PTCHD4: variants seen among roughly 807,000 people sequenced by gnomAD.
PTCHD4 encodes patched domain containing 4.
PTCHD4 carries 33 observed loss-of-function variants against 58.1 expected under a neutral mutation model. The observed-to-expected ratio is 0.57, with a 90% CI of 0.43 to 0.76. The LOEUF (loss-of-function observed/expected upper bound fraction) is 0.76, where lower values mean the gene tolerates loss of function less well. PTCHD4 is among the 30% of genes least tolerant of loss of function. PTCHD4 has a pLI of 0.00. For missense variants in PTCHD4, 1,058 were observed against 1,027.1 expected (o/e 1.03, Z -0.41); for synonymous variants, 478 against 409.6 (o/e 1.17, Z -2.02).
At chr6:47,884,533 G>A (rs571014790) in intron 4 of PTCHD4, among the ~76,000 whole-genome samples, 79 of 152,298 alleles carry the variant, frequency 5.2e-4, no homozygotes, top group African/African-American at 1.8e-3. Flanking sequence ...TTCAGGTGAT[G>A]CATGGATCAC....
chr6:48,027,327 T>C (rs1763284638), intron 3 of PTCHD4, among the ~76,000 whole-genome samples: 1 of 152,082 alleles, frequency 6.6e-6, no homozygotes, highest in African/African-American at 2.4e-5. Flanking sequence ...CATTGATAAA[T>C]AAGATTAACT....
At chr6:48,105,665 G>T (rs568862532) in intron 1 of PTCHD4, among the ~76,000 whole-genome samples, 156 of 152,218 alleles carry the variant, frequency 1.0e-3, no homozygotes, top group Non-Finnish European at 1.8e-3. Flanking sequence ...CCAGGAGCTG[G>T]TTTTTTGAGA....
In PTCHD4 at chr6:47,861,567, C is replaced by T. The variant is rs980107544; in HGVS notation, c.*16736G>A. Among the ~76,000 whole-genome samples, 4 of 151,910 alleles carry T rather than the reference C, an allele frequency of 2.6e-5. No homozygotes were observed. Among genetic ancestry groups the T allele is most frequent in the South Asian group, 4.1e-4 (2 of 4,832 alleles). On this transcript the variant is annotated 3_prime_UTR_variant, in exon 5 of 5. Coordinates refer to ENST00000339488, the MANE Select transcript of PTCHD4 (RefSeq NM_001384253.1). ...CCAAAACACATCTAGTACTCATTGA[C>T]ATTTATGTCCAACAAACAAAAAAAT...
rs941583747 is a variant in PTCHD4, at chr6:47,898,165, C to T, written c.899-18229G>A. Among the ~76,000 whole-genome samples, 5 of 151,838 alleles carry T rather than the reference C, an allele frequency of 3.3e-5. 1 individual carries two copies. The highest frequency in any genetic ancestry group is 5.9e-5 in the Non-Finnish European group (4 of 67,964). The stretch of plus-strand genomic sequence containing the variant: ...TTCACCGTGTTAGCCAGGATGGTCT[C>T]GATATCCTGACCTCATGATCCACCT... On this transcript the variant is annotated intron_variant, in intron 4 of 4. Coordinates refer to ENST00000339488, the MANE Select transcript of PTCHD4 (RefSeq NM_001384253.1).
intron 3 of PTCHD4, among the ~76,000 whole-genome samples, chr6:48,047,620 C>T (rs1037073843): frequency 2.6e-5 from 4 of 151,734 alleles, no homozygotes; most frequent in African/African-American, 7.3e-5. Context: ...ATCCTAATCC[C>T]CAATGTGATG....
rs540866742 is a variant in PTCHD4, at chr6:47,857,408, C to T, written c.*20895G>A. On this transcript the variant is annotated 3_prime_UTR_variant, in exon 5 of 5. Coordinates refer to ENST00000339488, the MANE Select transcript of PTCHD4 (RefSeq NM_001384253.1). The stretch of plus-strand genomic sequence containing the variant: ...TTAAAAAGTATCTTGCTTCTTAAAA[C>T]TTCTGCACTGCAGCAAGACGGTATC... 6.6e-6 allele frequency among the ~76,000 whole-genome samples: 1 copy of T among 152,164 alleles called. No homozygotes were observed. Among genetic ancestry groups the T allele is most frequent in the South Asian group, 2.1e-4 (1 of 4,828 alleles).
At chr6:47,900,893 G>T (rs956282933) in intron 4 of PTCHD4, 3 of 152,162 alleles carry the variant, frequency 2.0e-5, no homozygotes, top group Non-Finnish European at 4.4e-5. Context: ...GGTGGCTCAC[G>T]CCTGTAATCC....
chr6:47,878,135 C>T lies in PTCHD4; in HGVS notation c.*168G>A. 5 of 532,732 alleles carry T rather than the reference C, an allele frequency of 9.4e-6. No individual in the cohort carries two copies. Among genetic ancestry groups the T allele is most frequent in the Admixed American group, 3.5e-5 (1 of 28,592 alleles). The allele number at this position is 532,732 out of a possible 1,614,324, so 33.0% of individuals were successfully genotyped here. A position where few individuals can be genotyped will look rare whatever the true frequency, so the allele number is the denominator to read the frequency against. ...ATAACTTTTTCCTCTTTTTTTATTC[C>T]CTCTTCCCCCCAAGAAGCAGGCACC... On this transcript the variant is annotated 3_prime_UTR_variant, in exon 5 of 5. Coordinates refer to ENST00000339488, the MANE Select transcript of PTCHD4 (RefSeq NM_001384253.1).
chr6:47,994,144 CA>C (rs1475132070), intron 4 of PTCHD4, among the ~76,000 whole-genome samples: 4 of 152,086 alleles, frequency 2.6e-5, no homozygotes, highest in Non-Finnish European at 5.9e-5. Context: ...CAAACCCAAC[CA>C]AAAGCCAGAG....
intron 4 of PTCHD4, among the ~76,000 whole-genome samples, chr6:47,923,143 G>A (rs1463336996): frequency 6.6e-6 from 1 of 152,086 alleles, no homozygotes; most frequent in African/African-American, 2.4e-5. Context: ...TGACTCTTCT[G>A]TCAGTCATTA....
At chr6:48,025,720 C>A (rs537274834) in intron 3 of PTCHD4, among the ~76,000 whole-genome samples, 7 of 152,250 alleles carry the variant, frequency 4.6e-5, no homozygotes, top group African/African-American at 1.7e-4. Flanking sequence ...TAGGATAAGT[C>A]TTTTCAAATG....
rs1026668193 is a variant in PTCHD4, at chr6:47,871,021, T to C, written c.*7282A>G. Among the ~76,000 whole-genome samples, 6 of 151,626 alleles carry C rather than the reference T, an allele frequency of 4.0e-5. No individual in the cohort carries two copies. The highest frequency in any genetic ancestry group is 7.4e-5 in the Non-Finnish European group (5 of 67,688). On this transcript the variant is annotated 3_prime_UTR_variant, in exon 5 of 5. Transcript: ENST00000339488. Reference sequence around the variant, plus strand: ...CATCAAAGTTTCATAATTTCATACATTTAGTCACCCTTCTTTGCTGTAGAA... The same window carrying C: ...CATCAAAGTTTCATAATTTCATACACTTAGTCACCCTTCTTTGCTGTAGAA...
rs189129729 is a variant in PTCHD4 at position 47,875,432 on chromosome 6, G to A, written c.*2871C>T. On this transcript the variant is annotated 3_prime_UTR_variant, in exon 5 of 5. Coordinates refer to ENST00000339488, the MANE Select transcript of PTCHD4 (RefSeq NM_001384253.1). ...TCACAGTGAGGTTGGGAGGTCAGAC[G>A]ATGCTCTGTTAGATTCTTCTTAGGA... 6.6e-6 allele frequency among the ~76,000 whole-genome samples: 1 copy of A among 151,968 alleles called. No individual in the cohort carries two copies. Among genetic ancestry groups the A allele is most frequent in the Admixed American group, 6.6e-5 (1 of 15,218 alleles).
chr6:48,068,804 C>A lies in PTCHD4; in HGVS notation c.5+149G>T, dbSNP rs948271989. 13 of 641,390 alleles carry A rather than the reference C, an allele frequency of 2.0e-5. No individual in the cohort carries two copies. Among genetic ancestry groups the A allele is most frequent in the Non-Finnish European group, 2.9e-5 (11 of 375,498 alleles). The allele number at this position is 641,390 out of a possible 1,614,324, so 39.7% of individuals were successfully genotyped here. On this transcript the variant is annotated intron_variant, in intron 2 of 4. Coordinates refer to ENST00000339488, the MANE Select transcript of PTCHD4 (RefSeq NM_001384253.1). The surrounding 1 kb of genome is among the most constrained non-coding windows in gnomAD (Gnocchi z 4.2). ...GTCTTTCCCCGGCCCCACCTCCATG[C>A]GCTCCTACTACTCTTTCAAACACTG...
chr6:47,995,495 G>T (rs577031813), intron 4 of PTCHD4, among the ~76,000 whole-genome samples: 1 of 152,148 alleles, frequency 6.6e-6, no homozygotes, highest in East Asian at 1.9e-4. Flanking sequence ...TTTTGGAGAG[G>T]TTACCAGACA....
Position 48,097,057 on chromosome 6 carries a change from GTTAC to G in PTCHD4, c.-970+13988_-970+13991del, listed in dbSNP as rs1344481759. ...AGTTAAGTAATAATTATATTTCTTT[GTTAC>G]TTAATTTAAACATTTAATATTAACG... On this transcript the variant is annotated intron_variant, in intron 1 of 4. Transcript: ENST00000339488. 2.0e-5 allele frequency among the ~76,000 whole-genome samples: 3 copies of G among 151,924 alleles called. No individual in the cohort carries two copies. The East Asian group carries it at 5.8e-4, about 29-fold the overall frequency.
rs185059243 is a variant in PTCHD4 at position 47,877,527 on chromosome 6, C to G, written c.*776G>C. Among the ~76,000 whole-genome samples, 1 of 152,156 alleles carries G rather than the reference C, an allele frequency of 6.6e-6. No homozygotes were observed. Among genetic ancestry groups the G allele is most frequent in the East Asian group, 1.9e-4 (1 of 5,148 alleles). On this transcript the variant is annotated 3_prime_UTR_variant, in exon 5 of 5. Coordinates refer to ENST00000339488, the MANE Select transcript of PTCHD4 (RefSeq NM_001384253.1). Reference sequence around the variant, plus strand: ...TTGTGAAGTCATCCAAAGCAAAAGTCTAGATGACTGCTGACATGATATGCA... The same window carrying G: ...TTGTGAAGTCATCCAAAGCAAAAGTGTAGATGACTGCTGACATGATATGCA...
intron 3 of PTCHD4, among the ~76,000 whole-genome samples, chr6:48,067,951 G>A (rs891189862): frequency 6.6e-6 from 1 of 151,882 alleles, no homozygotes; most frequent in Non-Finnish European, 1.5e-5. Context: ...AGAAGCATTA[G>A]CTTCTGAGTC....
At chr6:48,077,780 G>A (rs1003767831) in intron 1 of PTCHD4, among the ~76,000 whole-genome samples, 4 of 152,176 alleles carry the variant, frequency 2.6e-5, no homozygotes, top group African/African-American at 9.7e-5. Flanking sequence ...GAGAGATGAA[G>A]GAGCTGCTGG....
Sources: gnomAD v4.1 joint callset for allele counts (sites outside exome capture counted in the v4.1 genomes callset) on GRCh38, gnomAD v4.1.1 for gene constraint, Gnocchi (gnomAD v3.1) non-coding constraint, MANE v1.5 for transcripts, NCBI Gene and HGNC (gene_info 2026-07-23, HGNC 2026-07-21) for gene names.